ZFP64: variants seen among roughly 807,000 people sequenced by gnomAD.
ZFP64 encodes zinc finger protein 64.
ZFP64 carries 14 observed loss-of-function variants against 51.6 expected under a neutral mutation model. That is an observed-to-expected ratio of 0.27 (90% CI 0.18 to 0.42). The LOEUF (loss-of-function observed/expected upper bound fraction) is 0.42, where lower values mean the gene tolerates loss of function less well. ZFP64 is among the 10% of genes least tolerant of loss of function. The pLI is 1.00. For missense variants in ZFP64, 754 were observed against 906.8 expected, an observed-to-expected ratio of 0.83 and a Z score of 2.16; for synonymous variants, 375 against 361.4, an observed-to-expected ratio of 1.04 and a Z score of -0.43.
intron 5 of ZFP64, among the ~76,000 whole-genome samples, chr20:52,116,807 C>T (rs778108433): frequency 5.9e-5 from 9 of 152,308 alleles, no homozygotes; most frequent in Non-Finnish European, 1.2e-4. Context: ...CACTGGCTCA[C>T]GCCTGTAATC....
exon 9 of ZFP64, chr20:52,084,575 C>T: frequency 1.2e-6 from 2 of 1,613,168 alleles, no homozygotes; most frequent in Non-Finnish European, 8.5e-7. Context: ...CTTGGCTGGG[C>T]TCTAGGGGAG....
chr20:52,129,666 A>G (rs1228752814), intron 5 of ZFP64, among the ~76,000 whole-genome samples: 1 of 152,012 alleles, frequency 6.6e-6, no homozygotes, highest in African/African-American at 2.4e-5. Context: ...GGCCCATTTC[A>G]GCCTCTTGGA....
At chr20:52,146,901 A>G (rs905087536), downstream of ZFP64, among the ~76,000 whole-genome samples, 12 of 152,198 alleles carry the variant, frequency 7.9e-5, no homozygotes, top group Admixed American at 7.9e-4. Flanking sequence ...ATTCAACATG[A>G]CCAAGAGGAT....
chr20:52,107,455 T>C (rs867036718), intron 5 of ZFP64, among the ~76,000 whole-genome samples: 5 of 152,114 alleles, frequency 3.3e-5, no homozygotes, highest in South Asian at 2.1e-4. Flanking sequence ...ACATCTCTCT[T>C]TATATGGCCT....
intron 2 of ZFP64, among the ~76,000 whole-genome samples, chr20:52,167,563 T>A (rs1251536259): frequency 1.6e-5 from 2 of 124,472 alleles, no homozygotes; most frequent in African/African-American, 6.0e-5. Flanking sequence ...TCCCCTTCCC[T>A]CCCTCCCTTC....
In ZFP64 at chr20:52,152,600, G is replaced by A. The variant is rs1980926824; in HGVS notation, c.1592C>T (p.Pro531Leu). ...CCGGCTGTTCCCTGGGAGTTCCTCT[G>A]GGTTCTGGGCCACCAAGGCAGGCGG... is the stretch of plus-strand genomic sequence containing the variant. ...IVPPALVAQNPEELPGNSRLQ... is the reference protein window; with the variant it reads ...IVPPALVAQNLEELPGNSRLQ... Residue 531 changes from proline (P) to leucine (L), a missense_variant, in exon 6 of 6, where the codon CCA becomes CTA. Physicochemically the swap from Pro to Leu is moderately conservative, Grantham distance 98. Coordinates refer to ENST00000216923, the MANE Select transcript of ZFP64 (RefSeq NM_018197.3). 1 of 1,545,566 alleles carries A rather than the reference G, an allele frequency of 6.5e-7. No homozygotes were observed. The highest frequency in any genetic ancestry group is 1.4e-5 in the African/African-American group (1 of 73,530).
chr20:52,158,708 A>AAAG (rs1568685559), intron 5 of ZFP64, among the ~76,000 whole-genome samples: 8 of 152,112 alleles, frequency 5.3e-5, no homozygotes, highest in African/African-American at 1.9e-4. Flanking sequence ...TCCATCTCAA[A>AAAG]AAAGAAAGAA....
At chr20:52,129,750 C>T (rs1038354566) in intron 5 of ZFP64, among the ~76,000 whole-genome samples, 8 of 152,144 alleles carry the variant, frequency 5.3e-5, no homozygotes, top group Non-Finnish European at 1.0e-4. Context: ...GCCTCTGTAT[C>T]CCATTAAAGC....
chr20:52,143,823 T>A (rs1327994976), intron 5 of ZFP64, among the ~76,000 whole-genome samples: 1 of 143,054 alleles, frequency 7.0e-6, no homozygotes, highest in Non-Finnish European at 1.6e-5. Context: ...GTGCTGAGAT[T>A]ATAGGCGTGA....
intron 5 of ZFP64, among the ~76,000 whole-genome samples, chr20:52,142,038 G>A (rs117761358): frequency 0.057 from 8,661 of 152,126 alleles, 341 homozygotes; most frequent in South Asian, 0.14. Context: ...AGACATTACA[G>A]ACTCAGAAGG....
At chr20:52,136,096 C>CAAAAAAAAA (rs71192597) in intron 5 of ZFP64, among the ~76,000 whole-genome samples, 1 of 38,034 alleles carries the variant, frequency 2.6e-5, no homozygotes, top group Non-Finnish European at 4.4e-5. Context: ...GAGACTCTCT[C>CAAAAAAAAA]AAAAAAAAAA....
downstream of ZFP64, chr20:52,151,248 C>A (rs1980776660): frequency 1.0e-6 from 1 of 985,382 alleles, no homozygotes. Flanking sequence ...CCAAATCCCA[C>A]CTTGGCTCTA....
rs759924901 is a variant in ZFP64, at chr20:52,152,762, A to G, written c.1430T>C (p.Val477Ala). 9 of 1,598,732 alleles carry G rather than the reference A, an allele frequency of 5.6e-6. No homozygotes were observed. The Admixed American group carries it at 1.2e-4, about 21-fold the overall frequency. ...PSKQPATPLT[V>A]GHLQVPLQPS... ...CTGGAGGGGCACCTGGAGGTGTCCC[A>G]CAGTGAGGGGCGTGGCGGGCTGCTT... is the stretch of plus-strand genomic sequence containing the variant. The change falls in exon 6 of 6, where the codon GTG becomes GCG. Residue 477 changes from valine (V) to alanine (A), a missense_variant. Physicochemically the swap from Val to Ala is moderately conservative, Grantham distance 64. Around this residue, in one of 3 missense-constraint regions of ZFP64, gnomAD observed 428 missense variants for 472.4 expected, o/e 0.91. Transcript: ENST00000216923.
At chr20:52,110,286 C>G (rs2035095225) in intron 5 of ZFP64, 2 of 386,042 alleles carry the variant, frequency 5.2e-6, no homozygotes, top group Non-Finnish European at 9.2e-6. Context: ...TCACAGCCAG[C>G]AGGTTAACTC....
chr20:52,168,120 C>T (rs1040694500), intron 2 of ZFP64, among the ~76,000 whole-genome samples: 1 of 152,154 alleles, frequency 6.6e-6, no homozygotes, highest in African/African-American at 2.4e-5. Context: ...TTGGCACCTT[C>T]AGTAGTGATC....
intron 2 of ZFP64, among the ~76,000 whole-genome samples, chr20:52,179,393 C>G (rs889726974): frequency 6.6e-6 from 1 of 152,206 alleles, no homozygotes; most frequent in Non-Finnish European, 1.5e-5. Flanking sequence ...GCCATACACA[C>G]CATGTGCTTC....
exon 9 of ZFP64, chr20:52,084,780 G>A (rs781249936): frequency 6.2e-7 from 1 of 1,614,190 alleles, no homozygotes; most frequent in Non-Finnish European, 8.5e-7. Flanking sequence ...CACGATCTTG[G>A]CCACGTGCTG....
In ZFP64 at chr20:52,110,878, T is replaced by C. The variant is rs543480672; in HGVS notation, c.764-12291A>G. 4.3e-6 allele frequency: 7 copies of C among 1,610,204 alleles called. No individual in the cohort carries two copies. In the Admixed American group the frequency reaches 5.0e-5, roughly 11 times the overall value. On this transcript the variant is annotated intron_variant, in intron 5 of 8. Transcript: ENST00000361387. ...GATCCCCACCTCTGCCACCAAGAGA[T>C]CATCGCTGGAAGCCGAGTTTTCAGC...
chr20:52,090,589 A>G (rs189400259), intron 7 of ZFP64, among the ~76,000 whole-genome samples: 2 of 152,140 alleles, frequency 1.3e-5, no homozygotes, highest in Admixed American at 6.6e-5. Context: ...TCATGAAGTC[A>G]GGAGTTCGAG....
Sources: gnomAD v4.1 joint callset for allele counts (sites outside exome capture counted in the v4.1 genomes callset) on GRCh38, gnomAD v4.1.1 for gene constraint, gnomAD v4.1.1 regional missense constraint, MANE v1.5 for transcripts, NCBI Gene and HGNC (gene_info 2026-07-23, HGNC 2026-07-21) for gene names.